The following EYA4 variants were observed in gnomAD, a reference collection of about 807,000 sequenced individuals.
The protein encoded by EYA4 is protein phosphatase EYA4.
EYA4 carries 31 observed loss-of-function variants against 87.9 expected under a neutral mutation model. The ratio of observed to expected loss-of-function variants is 0.35; its 90% CI spans 0.27 to 0.48. EYA4 has a LOEUF of 0.48. EYA4 is among the 20% of genes least tolerant of loss of function. The pLI, the probability that EYA4 is intolerant of heterozygous loss-of-function variation, is 0.99. For missense variants in EYA4, 678 were observed against 761.4 expected, an observed-to-expected ratio of 0.89 and a Z score of 1.29; for synonymous variants, 263 against 270.6, an observed-to-expected ratio of 0.97 and a Z score of 0.28.
At chr6:133,487,286 T>TC (rs2128720622) in intron 13 of EYA4, among the ~76,000 whole-genome samples, 1 of 152,102 alleles carries the variant, frequency 6.6e-6, no homozygotes, top group South Asian at 2.1e-4. Context: ...TGCTCTGGGG[T>TC]CCAGGCAGTT....
chr6:133,258,925 T>A (rs1341039996), intron 1 of EYA4, among the ~76,000 whole-genome samples: 1 of 152,200 alleles, frequency 6.6e-6, no homozygotes, highest in Non-Finnish European at 1.5e-5. Flanking sequence ...TTCTCAAAGG[T>A]GCATTCTTGC....
chr6:133,288,003 C>G (rs1347664867), intron 2 of EYA4, among the ~76,000 whole-genome samples: 1 of 152,048 alleles, frequency 6.6e-6, no homozygotes, highest in Non-Finnish European at 1.5e-5. Flanking sequence ...GGGGCACACA[C>G]CTGTAATCCC....
intron 14 of EYA4, among the ~76,000 whole-genome samples, chr6:133,512,318 C>A (rs757623670): frequency 6.6e-6 from 1 of 152,098 alleles, no homozygotes; most frequent in Non-Finnish European, 1.5e-5. Context: ...ATAATAGTAA[C>A]CATCTGAGGT....
At chr6:133,296,542 A>C (rs980411371) in intron 2 of EYA4, among the ~76,000 whole-genome samples, 2 of 152,166 alleles carry the variant, frequency 1.3e-5, no homozygotes, top group Non-Finnish European at 2.9e-5. Flanking sequence ...TCAGAGGTAG[A>C]GCCAACCAGA....
At chr6:133,286,175 A>G (rs557525480) in intron 2 of EYA4, among the ~76,000 whole-genome samples, 1 of 152,284 alleles carries the variant, frequency 6.6e-6, no homozygotes, top group South Asian at 2.1e-4. Flanking sequence ...CAGGGAAACA[A>G]TGGGGATCCC....
At chr6:133,310,620 G>T (rs541080872) in intron 2 of EYA4, among the ~76,000 whole-genome samples, 1 of 152,274 alleles carries the variant, frequency 6.6e-6, no homozygotes, top group South Asian at 2.1e-4. Flanking sequence ...CTAAGATTTG[G>T]TTAACAGTAT....
chr6:133,315,431 C>A (rs560351865), intron 2 of EYA4, among the ~76,000 whole-genome samples: 1 of 152,152 alleles, frequency 6.6e-6, no homozygotes, highest in East Asian at 1.9e-4. Flanking sequence ...GAGAAAATTA[C>A]ATTAAAATTA....
chr6:133,511,546 T>C (rs1006912216), intron 14 of EYA4: 9 of 151,986 alleles, frequency 5.9e-5, no homozygotes, highest in Admixed American at 2.0e-4. Context: ...AATTTCACCT[T>C]TAGATCTTGT....
At chr6:133,241,345 C>G (rs1487668676), upstream of EYA4, 1 of 152,174 alleles carries the variant, frequency 6.6e-6, no homozygotes, top group Non-Finnish European at 1.5e-5. Context: ...TCCGGCCGTT[C>G]CCGGCTTCCG....
chr6:133,515,992 G>A (rs953536404), intron 17 of EYA4, among the ~76,000 whole-genome samples: 5 of 152,120 alleles, frequency 3.3e-5, no homozygotes, highest in Admixed American at 6.5e-5. Flanking sequence ...AGTATACAGA[G>A]CAGAATTAAA....
intron 2 of EYA4, among the ~76,000 whole-genome samples, chr6:133,289,874 G>T (rs1448981788): frequency 6.6e-6 from 1 of 152,160 alleles, no homozygotes; most frequent in African/African-American, 2.4e-5. Context: ...AGCTCTCTTG[G>T]CAAGAGCTAG....
intron 2 of EYA4, among the ~76,000 whole-genome samples, chr6:133,317,707 A>C (rs557828989): frequency 1.3e-5 from 2 of 152,280 alleles, no homozygotes; most frequent in East Asian, 3.9e-4. Flanking sequence ...TCTATTCCCA[A>C]GGTAATAATC....
chr6:133,515,053 T>C lies in EYA4; in HGVS notation c.1502-268T>C, dbSNP rs3777886. Among the ~76,000 whole-genome samples the C allele has an allele frequency of 0.23, 34,785 of 151,976 alleles. 5,298 individuals carry two copies. The highest frequency in any genetic ancestry group is 0.43 in the African/African-American group (17,850 of 41,336). On this transcript the variant is annotated intron_variant, in intron 16 of 19. Coordinates refer to ENST00000355286, the MANE Select transcript of EYA4 (RefSeq NM_004100.5). ...TTTAGATGATTGAGATCCACTGCGC[T>C]AGATTGTAGGATCAGTGAGGGCAGA...
intron 13 of EYA4, among the ~76,000 whole-genome samples, chr6:133,496,351 T>G (rs1010501411): frequency 4.2e-4 from 64 of 152,198 alleles, no homozygotes; most frequent in Non-Finnish European, 8.8e-5. Flanking sequence ...TATAGCATAG[T>G]GATTTTTTTG....
At chr6:133,514,970 G>T (rs1415951708) in intron 16 of EYA4, among the ~76,000 whole-genome samples, 1 of 152,134 alleles carries the variant, frequency 6.6e-6, no homozygotes, top group African/African-American at 2.4e-5. Context: ...TATTCCTCCA[G>T]ACCTCAAATA....
intron 17 of EYA4, among the ~76,000 whole-genome samples, chr6:133,517,859 G>C (rs560826428): frequency 6.6e-6 from 1 of 152,308 alleles, no homozygotes; most frequent in Admixed American, 6.5e-5. Context: ...AGAGTCATGT[G>C]CAGAACCAAG....
chr6:133,485,052 G>A (rs1214316360), intron 13 of EYA4, among the ~76,000 whole-genome samples: 1 of 152,108 alleles, frequency 6.6e-6, no homozygotes, highest in African/African-American at 2.4e-5. Flanking sequence ...AAATACCATA[G>A]AGTAATGAAG....
rs1350829316 is a variant in EYA4 at position 133,530,356 on chromosome 6, GC to G, written c.*1554del. 1 of 985,300 alleles carries G rather than the reference GC, an allele frequency of 1.0e-6. No homozygotes were observed. The highest frequency in any genetic ancestry group is 1.2e-6 in the Non-Finnish European group (1 of 829,938). 61.0% of individuals were successfully genotyped at this position (985,300 alleles called of 1,614,324 possible). On this transcript the variant is annotated 3_prime_UTR_variant, in exon 20 of 20. Coordinates refer to ENST00000355286, the MANE Select transcript of EYA4 (RefSeq NM_004100.5). ...TGCATGGTTTTTTTCCTTGTGTGTA[GC>G]CCATGTTGGGAACACGATACAGGTT...
At chr6:133,467,679 A>C (rs568329674) in intron 10 of EYA4, among the ~76,000 whole-genome samples, 1 of 152,146 alleles carries the variant, frequency 6.6e-6, no homozygotes, top group Non-Finnish European at 1.5e-5. Context: ...AACCACATCA[A>C]ATGTAGATCT....
Sources: gnomAD v4.1 joint callset for allele counts (sites outside exome capture counted in the v4.1 genomes callset) on GRCh38, gnomAD v4.1.1 for gene constraint, MANE v1.5 for transcripts, NCBI Gene and HGNC (gene_info 2026-07-23, HGNC 2026-07-21) for gene names.